YWHAH: variants seen among roughly 807,000 people sequenced by gnomAD.
The protein encoded by YWHAH is tyrosine 3-monooxygenase/tryptophan 5-monooxygenase activation protein eta, also known as 14-3-3 protein eta.
Under a neutral mutation model 22.9 loss-of-function variants are expected in YWHAH, and 6 were observed. The observed-to-expected ratio is 0.26, with a 90% confidence interval of 0.14 to 0.52. The LOEUF is 0.52. Among genes scored for constraint, YWHAH ranks in the 20% least tolerant of loss-of-function variants. The pLI is 0.97. For missense variants in YWHAH, 173 were observed against 308.6 expected (o/e 0.56, Z 3.29); for synonymous variants, 135 against 124.5 (o/e 1.08, Z -0.56).
At chr22:31,950,441 A>G (rs755801653) in intron 1 of YWHAH, 4 of 777,580 alleles carry the variant, frequency 5.1e-6, no homozygotes, top group South Asian at 2.7e-5. Flanking sequence ...TAGCACTTCC[A>G]ATGATCCGAA....
chr22:31,945,792 T>G, intron 1 of YWHAH: 1 of 893,806 alleles, frequency 1.1e-6, no homozygotes. Context: ...CCCCTTGAAC[T>G]CCGCCTTAGA....
chr22:31,952,672 A>AC (rs2093844870), intron 1 of YWHAH, among the ~76,000 whole-genome samples: 1 of 152,244 alleles, frequency 6.6e-6, no homozygotes, highest in South Asian at 2.1e-4. Context: ...ACTGGCAGGC[A>AC]ACCAGATGAT....
Position 31,956,989 on chromosome 22 carries a change from C to A in YWHAH, c.*197C>A. The stretch of plus-strand genomic sequence containing the variant: ...TGCTGGACTGATGGTTGCTTTGAGC[C>A]CACAGGAGCTCCCTTTTTGAATTGT... On this transcript the variant is annotated 3_prime_UTR_variant, in exon 2 of 2. Transcript: ENST00000248975. This position sits in a 1 kb window ranked among gnomAD's most constrained non-coding sequence, Gnocchi z 5.1. 1.5e-6 allele frequency: 1 copy of A among 654,712 alleles called. No homozygotes were observed. Among genetic ancestry groups the A allele is most frequent in the Non-Finnish European group, 2.5e-6 (1 of 404,018 alleles). 40.6% of individuals were successfully genotyped at this position (654,712 alleles called of 1,614,324 possible).
chr22:31,945,836 A>G (rs1432725291), intron 1 of YWHAH, among the ~76,000 whole-genome samples: 2 of 152,168 alleles, frequency 1.3e-5, no homozygotes, highest in Non-Finnish European at 2.9e-5. Flanking sequence ...GGTGAGACTC[A>G]GACATCTGCA....
chr22:31,944,866 G>A, intron 1 of YWHAH, 46 bp downstream of exon 1: 2 of 1,294,568 alleles, frequency 1.5e-6, no homozygotes, highest in Non-Finnish European at 2.0e-6. Context: ...GGGGCCTGGC[G>A]TTGGGGAGGG....
intron 1 of YWHAH, among the ~76,000 whole-genome samples, chr22:31,951,032 A>C (rs1295639008): frequency 6.6e-6 from 1 of 152,104 alleles, no homozygotes; most frequent in African/African-American, 2.4e-5. Context: ...AGCTGGGATT[A>C]CAGGTGCACG....
At chr22:31,945,260 G>C (rs1217170107) in intron 1 of YWHAH, 3 of 1,150,400 alleles carry the variant, frequency 2.6e-6, no homozygotes, top group African/African-American at 3.2e-5. Context: ...GTCTCAGCTG[G>C]TTTTCTCTGC....
chr22:31,952,807 C>T (rs889836813), intron 1 of YWHAH, among the ~76,000 whole-genome samples: 5 of 152,210 alleles, frequency 3.3e-5, no homozygotes, highest in Non-Finnish European at 5.9e-5. Flanking sequence ...TACAGATACA[C>T]CCAAACTTCA....
At chr22:31,948,166 A>G (rs1258633025) in intron 1 of YWHAH, among the ~76,000 whole-genome samples, 1 of 152,182 alleles carries the variant, frequency 6.6e-6, no homozygotes, top group Non-Finnish European at 1.5e-5. Flanking sequence ...GCGGCTCCCT[A>G]GAAATCTTAA....
intron 1 of YWHAH, chr22:31,945,656 C>A (rs1308832200): frequency 7.8e-7 from 1 of 1,280,068 alleles, no homozygotes; most frequent in African/African-American, 1.5e-5. Context: ...CTCACTCTCT[C>A]TCCACGTTAT....
intron 1 of YWHAH, among the ~76,000 whole-genome samples, chr22:31,955,453 T>C (rs554862352): frequency 4.3e-4 from 64 of 150,546 alleles, no homozygotes; most frequent in Non-Finnish European, 6.4e-4. Flanking sequence ...TTTTTTTTTT[T>C]TTTTTTCTTT....
intron 1 of YWHAH, among the ~76,000 whole-genome samples, chr22:31,954,642 C>T (rs1236847787): frequency 2.6e-5 from 4 of 152,128 alleles, no homozygotes; most frequent in Admixed American, 2.0e-4. Flanking sequence ...AAGAATCCTT[C>T]CTAGGCACTC....
chr22:31,944,869 G>C (rs1186013930), intron 1 of YWHAH, 49 bp downstream of exon 1: 2 of 1,256,922 alleles, frequency 1.6e-6, no homozygotes, highest in Non-Finnish European at 2.0e-6. Flanking sequence ...GCCTGGCGTT[G>C]GGGAGGGACG....
At chr22:31,949,010 C>T (rs1368772818) in intron 1 of YWHAH, among the ~76,000 whole-genome samples, 1 of 151,958 alleles carries the variant, frequency 6.6e-6, no homozygotes, top group African/African-American at 2.4e-5. Flanking sequence ...TGGTCTTTGT[C>T]TGGGATTTTA....
At chr22:31,945,337 T>TGAAG (rs2093832400) in intron 1 of YWHAH, 1 of 1,239,218 alleles carries the variant, frequency 8.1e-7, no homozygotes, top group African/African-American at 1.6e-5. Context: ...GGTTCCATCT[T>TGAAG]CCCACGCCTG....
chr22:31,953,147 G>C (rs779997510), intron 1 of YWHAH, among the ~76,000 whole-genome samples: 3 of 152,176 alleles, frequency 2.0e-5, no homozygotes, highest in Non-Finnish European at 2.9e-5. Flanking sequence ...AAGCAGCTTT[G>C]TTAGTCACAG....
At position 31,950,507 on chromosome 22, in the gene YWHAH, A is replaced by G. The variant is rs1300892867; in HGVS notation, c.88-5632A>G. On this transcript the variant is annotated intron_variant, in intron 1 of 1. Transcript: ENST00000248975. ...GATGCCTCTAGGGACAGTAGCATGC[A>G]GTAATGCCATTCAGATGGTGTTGTA... 5.9e-6 allele frequency: 4 copies of G among 679,016 alleles called. No individual in the cohort carries two copies. In the African/African-American group the frequency reaches 7.1e-5, roughly 12 times the overall value. The allele number at this position is 679,016 out of a possible 1,614,324, so 42.1% of individuals were successfully genotyped here.
intron 1 of YWHAH, chr22:31,950,423 G>T (rs2093841718): frequency 2.6e-6 from 2 of 779,168 alleles, no homozygotes; most frequent in Admixed American, 1.7e-5. Flanking sequence ...TTCTGCGGTG[G>T]TGAGTGTTAG....
chr22:31,954,039 C>T (rs2093846585), intron 1 of YWHAH, among the ~76,000 whole-genome samples: 1 of 152,136 alleles, frequency 6.6e-6, no homozygotes, highest in Non-Finnish European at 1.5e-5. Context: ...TGCTTATGTC[C>T]TTGAACCACT....
Sources: allele counts gnomAD v4.1 joint callset (sites outside exome capture counted in the v4.1 genomes callset), GRCh38; gene constraint gnomAD v4.1.1; non-coding constraint Gnocchi (gnomAD v3.1); transcripts MANE v1.5; gene names NCBI Gene and HGNC (gene_info 2026-07-23, HGNC 2026-07-21).